The following ZFHX4 variants were observed in gnomAD, a reference collection of about 807,000 sequenced individuals.
ZFHX4 encodes zinc finger homeobox 4.
A neutral mutation model predicts 267.6 loss-of-function variants in ZFHX4; 56 were observed. The ratio of observed to expected loss-of-function variants is 0.21; its 90% CI spans 0.17 to 0.26. ZFHX4 has a LOEUF of 0.26. Among genes scored for constraint, ZFHX4 ranks in the 10% least tolerant of loss-of-function variants. ZFHX4 has a pLI of 1.00. For missense variants in ZFHX4, 4,332 were observed against 4,420.0 expected (o/e 0.98, Z 0.56); for synonymous variants, 1,778 against 1,665.6 (o/e 1.07, Z -1.64).
intron 5 of ZFHX4, among the ~76,000 whole-genome samples, chr8:76,833,930 T>C (rs1020788669): frequency 6.6e-6 from 1 of 152,154 alleles, no homozygotes; most frequent in Non-Finnish European, 1.5e-5. Flanking sequence ...TGATCCTTTA[T>C]GGTCTCTATA....
intron 4 of ZFHX4, among the ~76,000 whole-genome samples, chr8:76,800,752 T>C (rs1478550295): frequency 2.0e-5 from 3 of 152,176 alleles, no homozygotes; most frequent in African/African-American, 7.2e-5. Context: ...AAGTGCACTG[T>C]TTATAGAAAG....
chr8:76,789,346 A>T (rs1423708497), intron 4 of ZFHX4, among the ~76,000 whole-genome samples: 2 of 152,192 alleles, frequency 1.3e-5, no homozygotes, highest in Non-Finnish European at 2.9e-5. Context: ...CATAGAGCAA[A>T]ATTACCAAGG....
At chr8:76,819,610 A>G (rs1475683107) in intron 4 of ZFHX4, among the ~76,000 whole-genome samples, 3 of 152,168 alleles carry the variant, frequency 2.0e-5, no homozygotes. Context: ...ACTTTTGGTG[A>G]GACAGGATCA....
At chr8:76,787,457 G>C (rs1413972075) in intron 4 of ZFHX4, among the ~76,000 whole-genome samples, 3 of 152,004 alleles carry the variant, frequency 2.0e-5, no homozygotes, top group Non-Finnish European at 2.9e-5. Context: ...GAGGTCAGTA[G>C]CACAGTTTGG....
At chr8:76,807,470 T>C (rs563907985) in intron 4 of ZFHX4, among the ~76,000 whole-genome samples, 5 of 152,170 alleles carry the variant, frequency 3.3e-5, no homozygotes, top group South Asian at 4.1e-4. Flanking sequence ...TGTCAGTAAA[T>C]GAGTAGGGGG....
intron 4 of ZFHX4, among the ~76,000 whole-genome samples, chr8:76,789,898 G>A (rs554804980): frequency 5.3e-5 from 8 of 151,954 alleles, no homozygotes; most frequent in Admixed American, 3.3e-4. Context: ...GAGATTTTAC[G>A]GTTTGCTCTG....
rs1812543733 is a variant in ZFHX4, at chr8:76,852,069, A to G, written c.5148A>G (p.Pro1716=). Residue 1716 remains proline (P), a synonymous_variant, in exon 10 of 11, where the codon CCA becomes CCG. Coordinates refer to ENST00000651372, the MANE Select transcript of ZFHX4 (RefSeq NM_024721.5). ...AAFFQPQFLN[P]AFLPHFPMTP... ...TCTTTCAGCCTCAGTTTCTAAACCC[A>G]GCCTTTTTGCCTCATTTTCCTATGA... 1 of 1,613,884 alleles carries G rather than the reference A, an allele frequency of 6.2e-7. No individual in the cohort carries two copies. The highest frequency in any genetic ancestry group is 1.3e-5 in the African/African-American group (1 of 74,940).
At chr8:76,760,283 A>G (rs1036445471) in intron 3 of ZFHX4, among the ~76,000 whole-genome samples, 1 of 152,182 alleles carries the variant, frequency 6.6e-6, no homozygotes, top group Non-Finnish European at 1.5e-5. Context: ...ACTCCATGAA[A>G]CAATATGGCA....
intron 4 of ZFHX4, among the ~76,000 whole-genome samples, chr8:76,803,285 G>GT (rs1811165821): frequency 6.6e-6 from 1 of 151,084 alleles, no homozygotes; most frequent in African/African-American, 2.4e-5. Context: ...TGTGTGTGTG[G>GT]TATGACCGAA....
At chr8:76,787,744 C>T (rs1315366704) in intron 4 of ZFHX4, among the ~76,000 whole-genome samples, 1 of 151,250 alleles carries the variant, frequency 6.6e-6, no homozygotes, top group South Asian at 2.1e-4. Flanking sequence ...ACCCGGGAGG[C>T]AGAGGTTGCG....
In ZFHX4 at chr8:76,854,086, A is replaced by T; in HGVS notation, c.7165A>T (p.Thr2389Ser). ...AGCAAGTTCTGGCTCTGGGACCAGCACCCCCCTGATTCCATCACCCAAACC... is the reference window on the plus strand; with the variant it reads ...AGCAAGTTCTGGCTCTGGGACCAGCTCCCCCCTGATTCCATCACCCAAACC... ...PAASSGSGTS[T>S]PLIPSPKPEP... Residue 2389 changes from threonine to serine, a missense_variant, in exon 10 of 11, where the codon ACC becomes TCC. Physicochemically the swap from Thr to Ser is moderately conservative, Grantham distance 58 (BLOSUM62 1). Coordinates refer to ENST00000651372, the MANE Select transcript of ZFHX4 (RefSeq NM_024721.5). The T allele has an allele frequency of 6.2e-7, 1 of 1,613,460 alleles. No individual in the cohort carries two copies. The highest frequency in any genetic ancestry group is 8.5e-7 in the Non-Finnish European group (1 of 1,179,784).
chr8:76,803,446 A>G (rs1811170058), intron 4 of ZFHX4, among the ~76,000 whole-genome samples: 1 of 152,104 alleles, frequency 6.6e-6, no homozygotes, highest in Non-Finnish European at 1.5e-5. Flanking sequence ...TTCTTTGACA[A>G]TGTTTATTTA....
chr8:76,803,876 G>A (rs1439405684), intron 4 of ZFHX4, among the ~76,000 whole-genome samples: 2 of 152,032 alleles, frequency 1.3e-5, no homozygotes, highest in Non-Finnish European at 2.9e-5. Flanking sequence ...AGAAATAAAT[G>A]ATGCTAAATA....
chr8:76,805,706 C>T (rs1272451809), intron 4 of ZFHX4, among the ~76,000 whole-genome samples: 1 of 151,836 alleles, frequency 6.6e-6, no homozygotes, highest in Admixed American at 6.6e-5. Flanking sequence ...CAGGGAATTC[C>T]AGAATGAAAT....
chr8:76,753,922 C>G (rs1809693491), intron 3 of ZFHX4, among the ~76,000 whole-genome samples: 1 of 136,860 alleles, frequency 7.3e-6, no homozygotes, highest in Non-Finnish European at 1.5e-5. Context: ...GCCACTGCAT[C>G]CAGCCAACAT....
chr8:76,847,444 G>A (rs559737937), intron 6 of ZFHX4, among the ~76,000 whole-genome samples: 4 of 151,542 alleles, frequency 2.6e-5, no homozygotes, highest in South Asian at 2.1e-4. Flanking sequence ...AAATTTCTCC[G>A]ACACATATAT....
Position 76,704,265 on chromosome 8 carries a change from A to G in ZFHX4, c.177A>G (p.Glu59=). The G allele has an allele frequency of 6.2e-7, 1 of 1,614,002 alleles. No individual in the cohort carries two copies. The part of the protein sequence containing the change: ...DNLKTDERKS[E]ALLGFSVENA... The stretch of plus-strand genomic sequence containing the variant: ...TGAAAACGGATGAGCGCAAAAGTGA[A>G]GCCTTGCTGGGTTTCAGCGTTGAGA... Residue 59 remains glutamate (E), a synonymous_variant, in exon 2 of 11, where the codon GAA becomes GAG. Coordinates refer to ENST00000651372, the MANE Select transcript of ZFHX4 (RefSeq NM_024721.5).
chr8:76,762,814 A>G (rs896585417), intron 3 of ZFHX4, among the ~76,000 whole-genome samples: 1 of 152,212 alleles, frequency 6.6e-6, no homozygotes, highest in Non-Finnish European at 1.5e-5. Flanking sequence ...TCAATAGGTA[A>G]CAGTTTTAGG....
intron 3 of ZFHX4, among the ~76,000 whole-genome samples, chr8:76,719,618 A>T (rs1260538637): frequency 6.6e-6 from 1 of 152,130 alleles, no homozygotes. Context: ...TTTAAAAGTA[A>T]AGTGCTTCTG....
Sources: allele counts gnomAD v4.1 joint callset (sites outside exome capture counted in the v4.1 genomes callset), GRCh38; gene constraint gnomAD v4.1.1; transcripts MANE v1.5; gene names NCBI Gene and HGNC (gene_info 2026-07-23, HGNC 2026-07-21).